Variants in CC2D2B observed in about 807,000 individuals in gnomAD.
The protein encoded by CC2D2B is protein CC2D2B.
Under a neutral mutation model 161.2 loss-of-function variants are expected in CC2D2B, and 128 were observed. That is an observed-to-expected ratio of 0.79 (90% CI 0.69 to 0.92). The LOEUF (loss-of-function observed/expected upper bound fraction) is 0.92. Ranked by LOEUF, CC2D2B falls within the 40% of genes least tolerant of loss-of-function variation. CC2D2B has a pLI of 0.00. For missense variants in CC2D2B, 1,173 were observed against 1,375.1 expected (o/e 0.85, Z 2.32); for synonymous variants, 391 against 449.8 (o/e 0.87, Z 1.65).
rs867542463 is a variant in CC2D2B at position 95,992,538 on chromosome 10, A to G, written c.2483A>G (p.Asp828Gly). The change falls in exon 22 of 35, where the codon GAT (aspartate) becomes GGT (glycine). Residue 828 changes from aspartate (D) to glycine (G), a missense_variant. Asp to Gly is a moderately conservative substitution (Grantham distance 94, BLOSUM62 -1). Transcript: ENST00000646931. ...TTTTTACCCTTTAGCCAATTGACAG[A>G]TGCAGTTTGTAAGTTTGTTGAACCA... ...EEIVSTSQLTDAVCKFVEPRR... is the reference protein window; with the variant it reads ...EEIVSTSQLTGAVCKFVEPRR... 8.9e-6 allele frequency: 11 copies of G among 1,234,118 alleles called. No individual in the cohort carries two copies. In the Middle Eastern group the frequency reaches 1.4e-3, roughly 162 times the overall value. 76.4% of individuals were successfully genotyped at this position (1,234,118 alleles called of 1,614,324 possible).
At position 95,965,890 on chromosome 10, in the gene CC2D2B, A is replaced by C; in HGVS notation, c.1251-6A>C. The stretch of plus-strand genomic sequence containing the variant: ...GCTTTCAATAATTCTGTTTATTATT[A>C]ATTAGGATTAAAATGAATAAATGTG... On this transcript the variant is annotated splice_region_variant and splice_polypyrimidine_tract_variant and intron_variant, in intron 12 of 34. Transcript: ENST00000646931. 4.5e-6 allele frequency: 5 copies of C among 1,099,046 alleles called. No individual in the cohort carries two copies. Among genetic ancestry groups the C allele is most frequent in the Non-Finnish European group, 5.8e-6 (5 of 867,426 alleles). 68.1% of individuals were successfully genotyped at this position (1,099,046 alleles called of 1,614,324 possible). A position where few individuals can be genotyped will look rare whatever the true frequency, so the allele number is the denominator to read the frequency against.
At chr10:95,999,636 A>G (rs1345396500) in intron 24 of CC2D2B, 1 of 162,384 alleles carries the variant, frequency 6.2e-6, no homozygotes, top group Non-Finnish European at 1.3e-5. Context: ...TAGTAAAGAC[A>G]TTATATAATG....
intron 33 of CC2D2B, among the ~76,000 whole-genome samples, chr10:96,025,134 C>A: frequency 1.9e-5 from 2 of 107,096 alleles, no homozygotes; most frequent in East Asian, 3.0e-4. Flanking sequence ...CATAGGGAGA[C>A]GTCATCTCTA....
intron 12 of CC2D2B, among the ~76,000 whole-genome samples, chr10:95,963,018 T>C (rs1439658940): frequency 6.6e-6 from 1 of 152,118 alleles, no homozygotes. Flanking sequence ...GCCACTATTC[T>C]GAACTCCAGC....
At chr10:96,029,294 ATATATATATATG>A (rs2079959698) in intron 34 of CC2D2B, among the ~76,000 whole-genome samples, 1 of 125,528 alleles carries the variant, frequency 8.0e-6, no homozygotes, top group Non-Finnish European at 1.7e-5. Flanking sequence ...ATGTATATAT[ATATATATATATG>A]TATATCTATA....
chr10:96,027,216 G>A lies in CC2D2B; in HGVS notation c.3952G>A (p.Glu1318Lys), dbSNP rs111687262. 2,170 of 1,524,938 alleles carry A rather than the reference G, an allele frequency of 1.4e-3. 24 individuals are homozygous for A. The African/African-American group carries it at 0.023, about 16-fold the overall frequency. The allele number at this position is 1,524,938 out of a possible 1,614,324, so 94.5% of individuals were successfully genotyped here. ...SMVEDLRNRI[E>K]RTLKSKVMEW... Reference sequence around the variant, plus strand: ...ACCTTTGGATTCTTACCTTAGGATCGAAAGGACTCTGAAGAGTAAAGTGAT... The same window carrying A: ...ACCTTTGGATTCTTACCTTAGGATCAAAAGGACTCTGAAGAGTAAAGTGAT... The change falls in exon 34 of 35, where the codon GAA (glutamate) becomes AAA (lysine). Residue 1318 changes from glutamate (E) to lysine (K), a missense_variant. Around this residue, in one of 3 missense-constraint regions of CC2D2B, gnomAD observed 598 missense variants for 693.2 expected, o/e 0.86. Coordinates refer to ENST00000646931, the MANE Select transcript of CC2D2B (RefSeq NM_001349008.3).
chr10:95,918,650 C>G lies in CC2D2B; in HGVS notation c.37-3366C>G, dbSNP rs1590329327. On this transcript the variant is annotated intron_variant, in intron 2 of 34. Coordinates refer to ENST00000646931, the MANE Select transcript of CC2D2B (RefSeq NM_001349008.3). ...AAGCCTTCTTGTATTTTAATGTTAA[C>G]ATCTTTCTCTAGGTTGGAAAGTGTT... 5.3e-5 allele frequency among the ~76,000 whole-genome samples: 8 copies of G among 152,234 alleles called. 2 individuals carry two copies. The highest frequency in any genetic ancestry group is 5.2e-4 in the Admixed American group (8 of 15,296).
At chr10:95,923,027 A>C (rs2098530783) in intron 3 of CC2D2B, among the ~76,000 whole-genome samples, 1 of 151,110 alleles carries the variant, frequency 6.6e-6, no homozygotes, top group South Asian at 2.1e-4. Flanking sequence ...ATCTCGGCTC[A>C]CCACAACCTC....
chr10:95,932,029 C>G (rs1195004987), intron 6 of CC2D2B, among the ~76,000 whole-genome samples: 1 of 152,176 alleles, frequency 6.6e-6, no homozygotes, highest in East Asian at 1.9e-4. Flanking sequence ...CTTTGTAGGT[C>G]TCTAAGGACT....
intron 22 of CC2D2B, among the ~76,000 whole-genome samples, chr10:95,994,657 G>A (rs908808329): frequency 7.9e-5 from 12 of 152,152 alleles, no homozygotes; most frequent in Admixed American, 2.6e-4. Context: ...GCCCTCAAGC[G>A]GCCCTTATGC....
chr10:95,942,685 T>C (rs2076063802), intron 9 of CC2D2B, among the ~76,000 whole-genome samples: 1 of 152,172 alleles, frequency 6.6e-6, no homozygotes, highest in African/African-American at 2.4e-5. Context: ...TTAAATGTCA[T>C]ATAACTTCCA....
rs750326613 is a variant in CC2D2B, at chr10:96,009,883, G to A, written c.3005G>A (p.Cys1002Tyr). Reference sequence around the variant, plus strand: ...TATATAAGAAAGAATTGGCTTGGATGCATTGTCTTCCCTTTTTCTGCTCTT... The same window carrying A: ...TATATAAGAAAGAATTGGCTTGGATACATTGTCTTCCCTTTTTCTGCTCTT... ...HSYIRKNWLG[C>Y]IVFPFSALLQ... The change falls in exon 26 of 35, where the codon TGC becomes TAC. Residue 1002 changes from cysteine (C) to tyrosine (Y), a missense_variant. Physicochemically the swap from Cys to Tyr is radical, Grantham distance 194 (BLOSUM62 -2). This residue lies in a region of CC2D2B where 598 missense variants were observed against 693.2 expected (regional missense o/e 0.86). Coordinates refer to ENST00000646931, the MANE Select transcript of CC2D2B (RefSeq NM_001349008.3). The A allele has an allele frequency of 6.8e-6, 11 of 1,610,004 alleles. No homozygotes were observed. The Admixed American group carries it at 1.8e-4, about 27-fold the overall frequency.
At chr10:95,939,634 T>G (rs1735626108) in intron 9 of CC2D2B, among the ~76,000 whole-genome samples, 6 of 152,252 alleles carry the variant, frequency 3.9e-5, no homozygotes, top group Admixed American at 3.9e-4. Context: ...CTGCTTTATA[T>G]TCCTGTCAAC....
chr10:96,010,818 T>C (rs2078956677), intron 26 of CC2D2B, among the ~76,000 whole-genome samples: 1 of 152,192 alleles, frequency 6.6e-6, no homozygotes, highest in Non-Finnish European at 1.5e-5. Context: ...TTAATTTAGA[T>C]TGCCTTTTGC....
intron 11 of CC2D2B, among the ~76,000 whole-genome samples, 155 bp downstream of exon 11, chr10:95,955,646 G>A (rs2076545677): frequency 6.6e-6 from 1 of 152,074 alleles, no homozygotes; most frequent in Non-Finnish European, 1.5e-5. Context: ...ACCCACGTTT[G>A]TGTAAAAATA....
At chr10:96,021,525 T>C (rs1388768903) in intron 32 of CC2D2B, 1 of 152,214 alleles carries the variant, frequency 6.6e-6, no homozygotes, top group Non-Finnish European at 1.5e-5. Flanking sequence ...TTGATGCCAA[T>C]GTGCAGCCGA....
intron 34 of CC2D2B, 45 bp downstream of exon 34, chr10:96,027,434 GT>G: frequency 7.5e-7 from 1 of 1,334,368 alleles, no homozygotes; most frequent in East Asian, 2.6e-5. Context: ...TTTTATATAT[GT>G]TGTTAATTGC....
At chr10:95,995,243 A>ATTG (rs2078186701) in intron 22 of CC2D2B, 26 bp from the exon 23 acceptor site, 2 of 1,319,704 alleles carry the variant, frequency 1.5e-6, no homozygotes, top group South Asian at 2.7e-5. Context: ...ATTAAGGTGT[A>ATTG]TGTCTCTCTA....
At position 95,993,851 on chromosome 10, in the gene CC2D2B, TAGAGAG is replaced by T. The variant is rs60372025; in HGVS notation, c.2642+1169_2642+1174del. 3.4e-4 allele frequency among the ~76,000 whole-genome samples: 33 copies of T among 98,060 alleles called. No homozygotes were observed. The South Asian group carries it at 3.7e-3, about 11-fold the overall frequency. The allele number at this position is 98,060 out of a possible 152,430, so 64.3% of individuals were successfully genotyped here. On this transcript the variant is annotated intron_variant, in intron 22 of 34. Transcript: ENST00000646931. ...TAAAGAGTGTATATATATATATATA[TAGAGAG>T]AGAGAGAGAGAGAGTGTATATATAT...
Sources: gnomAD v4.1 joint callset for allele counts (sites outside exome capture counted in the v4.1 genomes callset) on GRCh38, gnomAD v4.1.1 for gene constraint, gnomAD v4.1.1 regional missense constraint, MANE v1.5 for transcripts, NCBI Gene and HGNC (gene_info 2026-07-23, HGNC 2026-07-21) for gene names.